Variants in PCGF3 observed in about 807,000 individuals in gnomAD.
PCGF3 encodes the protein polycomb group ring finger 3.
In PCGF3, 7 loss-of-function variants were observed where a neutral mutation model predicts 33.1. That is an observed-to-expected ratio of 0.21 (90% confidence interval 0.12 to 0.40). The LOEUF is 0.40. PCGF3 is among the 10% of genes least tolerant of loss of function. The pLI is 1.00. For synonymous variants in PCGF3, 153 were observed against 121.3 expected, an observed-to-expected ratio of 1.26 and a Z score of -1.72; for missense variants, 211 against 313.3, an observed-to-expected ratio of 0.67 and a Z score of 2.46.
intron 1 of PCGF3, among the ~76,000 whole-genome samples, chr4:717,787 C>T (rs777202071): frequency 6.6e-6 from 1 of 152,218 alleles, no homozygotes; most frequent in Non-Finnish European, 1.5e-5. Flanking sequence ...GCGCCCTGAG[C>T]GAGAGGGCCG....
chr4:760,422 G>T (rs1350122577), intron 8 of PCGF3, among the ~76,000 whole-genome samples: 1 of 144,458 alleles, frequency 6.9e-6, no homozygotes, highest in African/African-American at 2.6e-5. Context: ...AGAATCTGTG[G>T]TTCAGCCATC....
chr4:742,678 G>T (rs1351783886), intron 6 of PCGF3, among the ~76,000 whole-genome samples: 1 of 152,204 alleles, frequency 6.6e-6, no homozygotes, highest in Non-Finnish European at 1.5e-5. Context: ...ATCCCTGGAG[G>T]GTCAGGCCTC....
chr4:767,831 A>G (rs531948214), exon 11 of PCGF3: 1 of 152,780 alleles, frequency 6.5e-6, no homozygotes, highest in South Asian at 2.1e-4. Flanking sequence ...GTCTATGAGT[A>G]GCTGTGTATG....
intron 3 of PCGF3, among the ~76,000 whole-genome samples, chr4:733,466 G>A (rs1473649312): frequency 6.6e-6 from 1 of 152,198 alleles, no homozygotes; most frequent in Non-Finnish European, 1.5e-5. Flanking sequence ...CTTTTGAAAA[G>A]GTGGGCTTGT....
At chr4:740,718 C>G (rs1330697039) in intron 6 of PCGF3, among the ~76,000 whole-genome samples, 1 of 152,174 alleles carries the variant, frequency 6.6e-6, no homozygotes, top group East Asian at 1.9e-4. Context: ...TGGAAAAAAT[C>G]AAAAGCAGCG....
In PCGF3 at chr4:735,063, G is replaced by A. The variant is rs141904705; in HGVS notation, c.206+36G>A. 1.8e-4 allele frequency: 284 copies of A among 1,598,290 alleles called. 1 individual carries two copies. In the East Asian group the frequency reaches 6.3e-3, roughly 36 times the overall value. On this transcript the variant is annotated intron_variant, in intron 5 of 10. Coordinates refer to ENST00000362003, the Ensembl canonical transcript of PCGF3. Reference sequence around the variant, plus strand: ...GCCTTCCCAGGCCACAGTACGTGGGGTGAGTGCCCCTGGGCGTCTCTGTGT... The same window carrying A: ...GCCTTCCCAGGCCACAGTACGTGGGATGAGTGCCCCTGGGCGTCTCTGTGT...
chr4:756,265 T>C (rs996427886), intron 8 of PCGF3, among the ~76,000 whole-genome samples: 40 of 149,634 alleles, frequency 2.7e-4, no homozygotes, highest in Non-Finnish European at 4.6e-4. Flanking sequence ...CAGGCTGGAG[T>C]GTGGGGGTGC....
intron 10 of PCGF3, among the ~76,000 whole-genome samples, chr4:765,341 G>A (rs140428438): frequency 0.032 from 4,900 of 152,174 alleles, 265 homozygotes; most frequent in African/African-American, 0.11. Context: ...GCTGAGGCAG[G>A]AGAATGGTGT....
chr4:764,891 G>C (rs1353099479), intron 9 of PCGF3, 93 bp from the exon 10 acceptor site: 5 of 803,374 alleles, frequency 6.2e-6, no homozygotes, highest in Non-Finnish European at 1.1e-5. Flanking sequence ...CATGATTGGG[G>C]AGGGGCTGCA....
intron 3 of PCGF3, chr4:731,375 G>A (rs369771021): frequency 3.3e-5 from 13 of 396,654 alleles, no homozygotes; most frequent in Non-Finnish European, 5.8e-5. Context: ...CCGGCGTGTC[G>A]CTGAGGAGCA....
intron 6 of PCGF3, among the ~76,000 whole-genome samples, chr4:741,542 G>A (rs1233555837): frequency 6.6e-6 from 1 of 152,176 alleles, no homozygotes; most frequent in South Asian, 2.1e-4. Flanking sequence ...GAGTAGCTGG[G>A]ATTACAGGCA....
chr4:717,009 G>A lies in PCGF3; in HGVS notation c.-190+11039G>A, dbSNP rs528270657. Among the ~76,000 whole-genome samples the A allele has an allele frequency of 9.7e-5, 14 of 144,466 alleles. 1 individual carries two copies. The highest frequency in any genetic ancestry group is 3.1e-4 in the African/African-American group (12 of 38,150). The allele number at this position is 144,466 out of a possible 152,430, so 94.8% of individuals were successfully genotyped here. The stretch of plus-strand genomic sequence containing the variant: ...TAGACACTGAGGGTGAGAACTGGGC[G>A]TCTGTGCTGGGACCCTGTAGACACT... On this transcript the variant is annotated intron_variant, in intron 1 of 10. Transcript: ENST00000362003.
rs1743080748 is a variant in PCGF3, at chr4:721,634, G to C, written c.-189-8996G>C. Among the ~76,000 whole-genome samples, 1 of 152,158 alleles carries C rather than the reference G, an allele frequency of 6.6e-6. No homozygotes were observed. Among genetic ancestry groups the C allele is most frequent in the African/African-American group, 2.4e-5 (1 of 41,426 alleles). ...GAAGCTCCTGGTGAGCGGGGCTGCT[G>C]AACGCAGGCCCCAGGGCCTGTAGGA... is the stretch of plus-strand genomic sequence containing the variant. On this transcript the variant is annotated intron_variant, in intron 1 of 10. Coordinates refer to ENST00000362003, the Ensembl canonical transcript of PCGF3. The surrounding 1 kb of genome is among the most constrained non-coding windows in gnomAD (Gnocchi z 4.1).
At chr4:706,615 C>T (rs1356306728) in intron 1 of PCGF3, among the ~76,000 whole-genome samples, 43 of 119,292 alleles carry the variant, frequency 3.6e-4, no homozygotes, top group African/African-American at 1.1e-3. Flanking sequence ...GGCAGGACCC[C>T]GGGAGGGCCA....
At chr4:712,473 G>C (rs1478067323) in intron 1 of PCGF3, among the ~76,000 whole-genome samples, 1 of 152,182 alleles carries the variant, frequency 6.6e-6, no homozygotes, top group African/African-American at 2.4e-5. Context: ...TTGAGATGGA[G>C]TTTTGCTCTT....
chr4:742,712 C>T (rs1420190064), intron 6 of PCGF3, among the ~76,000 whole-genome samples: 1 of 152,238 alleles, frequency 6.6e-6, no homozygotes, highest in Non-Finnish European at 1.5e-5. Context: ...AGAGGTGACC[C>T]AATGGCAGGT....
At chr4:742,799 G>C (rs1320595644) in intron 6 of PCGF3, among the ~76,000 whole-genome samples, 1 of 152,216 alleles carries the variant, frequency 6.6e-6, no homozygotes, top group Admixed American at 6.5e-5. Context: ...TGTGGCCACA[G>C]ACACCAGGGG....
intron 1 of PCGF3, among the ~76,000 whole-genome samples, chr4:716,045 G>A (rs1428640926): frequency 7.0e-6 from 1 of 142,662 alleles, no homozygotes; most frequent in African/African-American, 2.6e-5. Flanking sequence ...CTGGGCGTCG[G>A]TGCTGGAACC....
chr4:740,563 A>G (rs11729193), intron 6 of PCGF3, among the ~76,000 whole-genome samples: 67,052 of 151,426 alleles, frequency 0.44, 16,061 homozygotes, highest in Admixed American at 0.55. Context: ...TCCTCTTTCC[A>G]TGGATCCTGA....
Sources: gnomAD v4.1 joint callset for allele counts (sites outside exome capture counted in the v4.1 genomes callset) on GRCh38, gnomAD v4.1.1 for gene constraint, Gnocchi (gnomAD v3.1) non-coding constraint, MANE v1.5 for transcripts, NCBI Gene and HGNC (gene_info 2026-07-23, HGNC 2026-07-21) for gene names.